Variants in PRIM2 observed in about 807,000 individuals in gnomAD.
PRIM2 encodes DNA primase subunit 2, also known as DNA primase large subunit.
PRIM2 carries 39 observed loss-of-function variants against 67.3 expected under a neutral mutation model. The observed-to-expected ratio is 0.58, with a 90% CI of 0.45 to 0.76. The LOEUF (loss-of-function observed/expected upper bound fraction) is 0.76. Among genes scored for constraint, PRIM2 ranks in the 30% least tolerant of loss-of-function variants. The pLI is 0.00. For synonymous variants in PRIM2, 143 were observed against 198.7 expected (o/e 0.72, Z 2.36); for missense variants, 398 against 598.7 (o/e 0.66, Z 3.50).
chr6:57,591,911 A>C (rs1409666208), intron 10 of PRIM2, among the ~76,000 whole-genome samples: 4 of 152,276 alleles, frequency 2.6e-5, no homozygotes, highest in African/African-American at 9.6e-5. Context: ...AAAGATATGA[A>C]ATCAACCCAG....
chr6:57,285,461 G>T, the PRIM2 span, among the ~76,000 whole-genome samples: 1 of 152,306 alleles, frequency 6.6e-6, no homozygotes, highest in African/African-American at 2.4e-5. Context: ...TGCAAGGCTG[G>T]TTCAACATAT....
chr6:57,239,679 G>A, the PRIM2 span, among the ~76,000 whole-genome samples: 3 of 152,136 alleles, frequency 2.0e-5, no homozygotes, highest in Non-Finnish European at 2.9e-5. Flanking sequence ...TGGGGAGGTC[G>A]AGGCTGCATT....
the PRIM2 span, among the ~76,000 whole-genome samples, chr6:57,280,488 C>G: frequency 6.6e-6 from 1 of 151,942 alleles, no homozygotes; most frequent in African/African-American, 2.4e-5. Context: ...CCCCAGCTTC[C>G]CAGGATGTTA....
chr6:57,352,212 G>T (rs1007556590), intron 5 of PRIM2, among the ~76,000 whole-genome samples: 3 of 152,096 alleles, frequency 2.0e-5, no homozygotes, highest in Non-Finnish European at 4.4e-5. Flanking sequence ...TGTAATTCAC[G>T]TTTGAGTATT....
intron 7 of PRIM2, among the ~76,000 whole-genome samples, chr6:57,384,989 T>C (rs965435226): frequency 6.6e-6 from 1 of 152,166 alleles, no homozygotes; most frequent in African/African-American, 2.4e-5. Context: ...ACTTTAAAAA[T>C]GTAAAAAAAA....
chr6:57,586,629 G>T (rs1776192720), intron 10 of PRIM2, among the ~76,000 whole-genome samples: 1 of 152,116 alleles, frequency 6.6e-6, no homozygotes, highest in South Asian at 2.1e-4. Context: ...GAGAGGGAAG[G>T]TATAGCAAAA....
chr6:57,323,041 T>G (rs2127271960), intron 3 of PRIM2, among the ~76,000 whole-genome samples: 1 of 152,190 alleles, frequency 6.6e-6, no homozygotes, highest in South Asian at 2.1e-4. Flanking sequence ...CTCAGTTTCC[T>G]TATCTGTAAA....
intron 5 of PRIM2, among the ~76,000 whole-genome samples, chr6:57,375,634 C>T (rs1363248759): frequency 6.7e-6 from 1 of 149,228 alleles, no homozygotes; most frequent in African/African-American, 2.5e-5. Context: ...TCACTGTAGC[C>T]TTAAACTCCT....
chr6:57,449,728 A>G (rs1164992117), intron 7 of PRIM2, among the ~76,000 whole-genome samples: 33 of 152,224 alleles, frequency 2.2e-4, no homozygotes, highest in African/African-American at 7.2e-4. Flanking sequence ...TAAACTACAC[A>G]TGAAAGCAAT....
intron 5 of PRIM2, among the ~76,000 whole-genome samples, chr6:57,365,414 C>A (rs1264980982): frequency 6.6e-6 from 1 of 151,182 alleles, no homozygotes; most frequent in Admixed American, 6.6e-5. Context: ...TAATTATTAG[C>A]GGAATTGAAC....
chr6:57,365,416 G>A (rs1769324494), intron 5 of PRIM2, among the ~76,000 whole-genome samples: 1 of 151,138 alleles, frequency 6.6e-6, no homozygotes, highest in South Asian at 2.1e-4. Context: ...ATTATTAGCG[G>A]AATTGAACAT....
At chr6:57,524,341 A>G (rs1217226374) in intron 8 of PRIM2, among the ~76,000 whole-genome samples, 1 of 152,224 alleles carries the variant, frequency 6.6e-6, no homozygotes, top group African/African-American at 2.4e-5. Flanking sequence ...GAGACGGAAA[A>G]GTTCCTCAGG....
At chr6:57,312,424 TC>T, upstream of PRIM2, among the ~76,000 whole-genome samples, 1 of 151,842 alleles carries the variant, frequency 6.6e-6, no homozygotes, top group East Asian at 1.9e-4. Flanking sequence ...ATCGCTTGAG[TC>T]CAGGAGGTGG....
chr6:57,562,179 TAATAA>T (rs1204219635), intron 10 of PRIM2, among the ~76,000 whole-genome samples: 1 of 152,026 alleles, frequency 6.6e-6, no homozygotes, highest in South Asian at 2.1e-4. Flanking sequence ...ACAGACATAA[TAATAA>T]AATATATAGA....
intron 7 of PRIM2, among the ~76,000 whole-genome samples, chr6:57,399,779 C>A (rs915306968): frequency 2.6e-5 from 4 of 151,916 alleles, no homozygotes; most frequent in Non-Finnish European, 2.9e-5. Context: ...ATTTGTATTT[C>A]TCTGATGGCC....
intron 5 of PRIM2, among the ~76,000 whole-genome samples, chr6:57,345,039 GCTTTCCATGC>G (rs1768623238): frequency 7.4e-6 from 1 of 135,996 alleles, no homozygotes; most frequent in African/African-American, 2.9e-5. Flanking sequence ...ATTGTTGATG[GCTTTCCATGC>G]CTATAACTTT....
chr6:57,242,077 A>G, the PRIM2 span, among the ~76,000 whole-genome samples: 1 of 152,208 alleles, frequency 6.6e-6, no homozygotes, highest in African/African-American at 2.4e-5. Context: ...CACTATTATT[A>G]ATAATATTAA....
intron 12 of PRIM2, 26 bp downstream of exon 12, chr6:57,606,483 C>G: frequency 2.6e-6 from 4 of 1,535,402 alleles, no homozygotes; most frequent in Non-Finnish European, 2.7e-6. Context: ...CTCTCTGCAT[C>G]TGCAGTAACG....
chr6:57,240,442 G>A, the PRIM2 span, among the ~76,000 whole-genome samples: 4 of 152,166 alleles, frequency 2.6e-5, no homozygotes, highest in Non-Finnish European at 5.9e-5. Flanking sequence ...TGTCTCCCCA[G>A]TAGACCACGA....
Sources: gnomAD v4.1 joint callset for allele counts (sites outside exome capture counted in the v4.1 genomes callset) on GRCh38, gnomAD v4.1.1 for gene constraint, MANE v1.5 for transcripts, NCBI Gene and HGNC (gene_info 2026-07-23, HGNC 2026-07-21) for gene names.